The following SLC45A4 variants were observed in gnomAD, a reference collection of about 807,000 sequenced individuals.
SLC45A4 encodes the protein polyamine-transporter SLC45A4.
Under a neutral mutation model 63.7 loss-of-function variants are expected in SLC45A4, and 32 were observed. That is an observed-to-expected ratio of 0.50 (90% CI 0.38 to 0.67). The LOEUF (loss-of-function observed/expected upper bound fraction) is 0.67, where lower values mean the gene tolerates loss of function less well. SLC45A4 is among the 30% of genes least tolerant of loss of function. SLC45A4 has a pLI of 0.00. For synonymous variants in SLC45A4, 535 were observed against 510.0 expected (o/e 1.05, Z -0.66); for missense variants, 1,027 against 1,157.7 (o/e 0.89, Z 1.64).
intron 2 of SLC45A4, among the ~76,000 whole-genome samples, chr8:141,245,323 G>GT (rs1189808925): frequency 6.6e-6 from 1 of 152,052 alleles, no homozygotes; most frequent in African/African-American, 2.4e-5. Flanking sequence ...CACCACCACC[G>GT]TTTCGAGGAG....
At position 141,236,155 on chromosome 8, in the gene SLC45A4, C is replaced by A. The variant is rs544932888; in HGVS notation, c.242-14390G>T. Among the ~76,000 whole-genome samples, 5 of 152,278 alleles carry A rather than the reference C, an allele frequency of 3.3e-5. 1 individual carries two copies. In the South Asian group the frequency reaches 1.0e-3, roughly 32 times the overall value. On this transcript the variant is annotated intron_variant, in intron 2 of 8. Transcript: ENST00000517878. ...GAGTGAGTGCCTGGATTCTCCCCTGCCTGCGTAGAGCCTGCAGTGCCGACT... is the reference window on the plus strand; with the variant it reads ...GAGTGAGTGCCTGGATTCTCCCCTGACTGCGTAGAGCCTGCAGTGCCGACT...
intron 1 of SLC45A4, among the ~76,000 whole-genome samples, chr8:141,285,872 C>T (rs1241104404): frequency 6.6e-6 from 1 of 152,226 alleles, no homozygotes; most frequent in East Asian, 1.9e-4. Flanking sequence ...CCCAGTAGGG[C>T]ACCCTCAAGA....
Position 141,278,607 on chromosome 8 carries a change from C to A in SLC45A4, c.-400-23978G>T, listed in dbSNP as rs561159847. ...CGAAGGAGAGACAGGCCTCTGCCCC[C>A]TAGCCACCAGCAGCTGAGTGCTGAC... On this transcript the variant is annotated intron_variant, in intron 1 of 8. Coordinates refer to ENST00000517878, the MANE Select transcript of SLC45A4 (RefSeq NM_001286646.2). This position sits in a 1 kb window ranked among gnomAD's most constrained non-coding sequence, Gnocchi z 4.1. 1.2e-4 allele frequency among the ~76,000 whole-genome samples: 19 copies of A among 152,364 alleles called. No individual in the cohort carries two copies. The highest frequency in any genetic ancestry group is 4.6e-4 in the African/African-American group (19 of 41,588).
intron 2 of SLC45A4, among the ~76,000 whole-genome samples, chr8:141,248,625 G>A (rs1340619992): frequency 1.3e-5 from 2 of 152,052 alleles, no homozygotes; most frequent in Non-Finnish European, 2.9e-5. Context: ...TAGCACTTTG[G>A]GAGACCAAGG....
rs1052198529 is a variant in SLC45A4, at chr8:141,207,374, A to G, written c.*4198T>C. 2.6e-5 allele frequency: 4 copies of G among 152,270 alleles called. No individual in the cohort carries two copies. The highest frequency in any genetic ancestry group is 9.6e-5 in the African/African-American group (4 of 41,456). 9.4% of individuals were successfully genotyped at this position (152,270 alleles called of 1,614,324 possible). A position where few individuals can be genotyped will look rare whatever the true frequency, so the allele number is the denominator to read the frequency against. ...CTAAGGGCTCTGTGTACACACAGAC[A>G]CAAACATGAGGCCACTGTTACCCAA... On this transcript the variant is annotated 3_prime_UTR_variant, in exon 9 of 9. Transcript: ENST00000517878.
chr8:141,247,351 G>A (rs977940851), intron 2 of SLC45A4, among the ~76,000 whole-genome samples: 1 of 123,674 alleles, frequency 8.1e-6, no homozygotes, highest in South Asian at 2.6e-4. Context: ...CTTTAAGTAT[G>A]TGACGGACCT....
At chr8:141,263,678 G>C (rs1267010354) in intron 1 of SLC45A4, among the ~76,000 whole-genome samples, 1 of 150,748 alleles carries the variant, frequency 6.6e-6, no homozygotes, top group Non-Finnish European at 1.5e-5. Context: ...GCTGAAGCAG[G>C]AGAATTGCTT....
chr8:141,272,417 T>G (rs1829575751), intron 1 of SLC45A4, among the ~76,000 whole-genome samples: 1 of 152,156 alleles, frequency 6.6e-6, no homozygotes, highest in East Asian at 1.9e-4. Context: ...CTCCTCCACA[T>G]CTGTGCCAGT....
intron 2 of SLC45A4, chr8:141,228,248 C>T: frequency 6.2e-7 from 1 of 1,614,006 alleles, no homozygotes; most frequent in Non-Finnish European, 8.5e-7. Context: ...AGCCCTGAGG[C>T]TGGGCTTGCT....
intron 2 of SLC45A4, among the ~76,000 whole-genome samples, chr8:141,243,434 C>A (rs752117934): frequency 7.2e-5 from 11 of 152,254 alleles, no homozygotes; most frequent in Non-Finnish European, 1.5e-4. Flanking sequence ...AACAAAACCA[C>A]TTGCCATCAA....
chr8:141,217,063 T>A lies in SLC45A4; in HGVS notation c.1729+27A>T, dbSNP rs763395528. On this transcript the variant is annotated intron_variant, in intron 6 of 8. Transcript: ENST00000517878. Reference sequence around the variant, plus strand: ...ATCACTGAGTTTTCTGGGGTGCGAGTGCTGACCTGACTTGGGGAGCTCTTA... The same window carrying A: ...ATCACTGAGTTTTCTGGGGTGCGAGAGCTGACCTGACTTGGGGAGCTCTTA... 10 of 1,610,382 alleles carry A rather than the reference T, an allele frequency of 6.2e-6. No homozygotes were observed. The South Asian group carries it at 9.9e-5, about 16-fold the overall frequency.
chr8:141,216,804 G>A (rs1215117479), intron 6 of SLC45A4, among the ~76,000 whole-genome samples: 1 of 152,216 alleles, frequency 6.6e-6, no homozygotes, highest in Non-Finnish European at 1.5e-5. Context: ...CGTGTCTGGA[G>A]GCACCATTGA....
intron 1 of SLC45A4, among the ~76,000 whole-genome samples, chr8:141,302,362 C>T (rs374509855): frequency 4.1e-5 from 6 of 146,932 alleles, no homozygotes; most frequent in African/African-American, 1.4e-4. Flanking sequence ...CTCACCATCA[C>T]CACCACCACC....
At chr8:141,304,008 TC>T (rs1024684928) in intron 1 of SLC45A4, among the ~76,000 whole-genome samples, 9 of 151,744 alleles carry the variant, frequency 5.9e-5, no homozygotes, top group Non-Finnish European at 1.3e-4. Flanking sequence ...CCAGCACTAT[TC>T]CCCCCCGCGG....
Position 141,256,922 on chromosome 8 carries a change from C to T in SLC45A4, c.-400-2293G>A, listed in dbSNP as rs1209688224. ...AGGCTGGAGTGCAGTGGTGTGATCT[C>T]GGCTCACTGCAACCTCCGCCTCCCA... is the stretch of plus-strand genomic sequence containing the variant. On this transcript the variant is annotated intron_variant, in intron 1 of 8. Transcript: ENST00000517878. The surrounding 1 kb of genome is among the most constrained non-coding windows in gnomAD (Gnocchi z 4.3). The T allele has an allele frequency of 2.4e-5, 6 of 253,926 alleles. No homozygotes were observed. Among genetic ancestry groups the T allele is most frequent in the East Asian group, 1.0e-4 (1 of 9,616 alleles). The allele number at this position is 253,926 out of a possible 1,614,324, so 15.7% of individuals were successfully genotyped here.
intron 1 of SLC45A4, among the ~76,000 whole-genome samples, chr8:141,282,061 G>C (rs1194646731): frequency 3.3e-5 from 5 of 152,180 alleles, no homozygotes. Flanking sequence ...TCCTCATCTG[G>C]GGAAGCCCAG....
At chr8:141,263,590 C>A (rs1239657997) in intron 1 of SLC45A4, among the ~76,000 whole-genome samples, 1 of 150,282 alleles carries the variant, frequency 6.7e-6, no homozygotes, top group Non-Finnish European at 1.5e-5. Flanking sequence ...TGGTGAAACC[C>A]CATCTCTACT....
intron 1 of SLC45A4, among the ~76,000 whole-genome samples, chr8:141,291,601 A>T (rs146382558): frequency 3.7e-3 from 570 of 152,364 alleles, no homozygotes; most frequent in Middle Eastern, 0.01. Context: ...GTCAGAAAGT[A>T]ACAGTCAAAC....
At chr8:141,253,900 C>T in intron 2 of SLC45A4, 89 bp downstream of exon 2, 1 of 1,496,016 alleles carries the variant, frequency 6.7e-7, no homozygotes, top group East Asian at 2.5e-5. Context: ...CAGGACGCAC[C>T]ATCCTCTGCC....
Sources: allele counts gnomAD v4.1 joint callset (sites outside exome capture counted in the v4.1 genomes callset), GRCh38; gene constraint gnomAD v4.1.1; non-coding constraint Gnocchi (gnomAD v3.1); transcripts MANE v1.5; gene names NCBI Gene and HGNC (gene_info 2026-07-23, HGNC 2026-07-21).